The following PRIMA1 variants were observed in gnomAD, a reference collection of about 807,000 sequenced individuals.
PRIMA1 encodes the protein proline-rich membrane anchor 1.
In PRIMA1, 7 loss-of-function variants were observed where a neutral mutation model predicts 17.5. That is an observed-to-expected ratio of 0.40 (90% confidence interval 0.23 to 0.75). The LOEUF (loss-of-function observed/expected upper bound fraction) is 0.75, where lower values mean the gene tolerates loss of function less well. Ranked by LOEUF, PRIMA1 falls within the 30% of genes least tolerant of loss-of-function variation. The probability of loss-of-function intolerance (pLI) is 0.37; values close to 1 mark genes in which losing one functional copy is unlikely to be tolerated. For synonymous variants in PRIMA1, 97 were observed against 77.9 expected, an observed-to-expected ratio of 1.25 and a Z score of -1.29; for missense variants, 200 against 201.8, an observed-to-expected ratio of 0.99 and a Z score of 0.05.
intron 3 of PRIMA1, among the ~76,000 whole-genome samples, chr14:93,749,670 T>A (rs1322563972): frequency 6.6e-6 from 1 of 152,190 alleles, no homozygotes; most frequent in African/African-American, 2.4e-5. Context: ...CTCCCAATGG[T>A]ATATATTAAA....
chr14:93,727,573 C>T (rs974399539), intron 4 of PRIMA1, among the ~76,000 whole-genome samples: 3 of 151,984 alleles, frequency 2.0e-5, no homozygotes, highest in Non-Finnish European at 2.9e-5. Flanking sequence ...TCTGGGCACC[C>T]GCCTCCCTGA....
chr14:93,730,112 C>T (rs2076104404), intron 4 of PRIMA1, among the ~76,000 whole-genome samples: 1 of 152,218 alleles, frequency 6.6e-6, no homozygotes, highest in Non-Finnish European at 1.5e-5. Flanking sequence ...TGGGAACAAG[C>T]CTCCATTCAC....
chr14:93,762,756 C>T (rs1255884734), intron 3 of PRIMA1, among the ~76,000 whole-genome samples: 1 of 152,168 alleles, frequency 6.6e-6, no homozygotes, highest in African/African-American at 2.4e-5. Flanking sequence ...CCCCACTTCA[C>T]ACCAAGTCAA....
intron 3 of PRIMA1, among the ~76,000 whole-genome samples, chr14:93,771,439 G>A (rs1165369118): frequency 1.3e-5 from 2 of 152,192 alleles, no homozygotes; most frequent in African/African-American, 4.8e-5. Context: ...CACATGGAGT[G>A]TTAGAGTGAA....
At chr14:93,785,079 T>C (rs1009673591) in intron 2 of PRIMA1, among the ~76,000 whole-genome samples, 10 of 150,924 alleles carry the variant, frequency 6.6e-5, no homozygotes, top group African/African-American at 2.4e-4. Context: ...GCCACAAAGA[T>C]GATGGCTTCT....
rs1392995143 is a variant in PRIMA1, at chr14:93,787,722, G to A, written c.-4C>T. On this transcript the variant is annotated 5_prime_UTR_variant, in exon 2 of 5. Coordinates refer to ENST00000393140, the MANE Select transcript of PRIMA1 (RefSeq NM_178013.4). ...GCACCAAGTCCCGGAGGAGCATCTC[G>A]GCCAGCGGCGCCCGCTCCTGGGGCG... The A allele has an allele frequency of 6.5e-7, 1 of 1,542,682 alleles. No homozygotes were observed. The highest frequency in any genetic ancestry group is 8.7e-7 in the Non-Finnish European group (1 of 1,146,444).
intron 4 of PRIMA1, among the ~76,000 whole-genome samples, chr14:93,724,005 C>T (rs952310600): frequency 1.3e-5 from 2 of 152,170 alleles, no homozygotes; most frequent in Non-Finnish European, 2.9e-5. Flanking sequence ...CAGCTTTAGC[C>T]TCCTGAGTAG....
intron 4 of PRIMA1, among the ~76,000 whole-genome samples, chr14:93,724,368 G>A (rs1477388198): frequency 6.6e-6 from 1 of 152,192 alleles, no homozygotes; most frequent in Non-Finnish European, 1.5e-5. Flanking sequence ...GGAAACTCTG[G>A]GTTTACAGGC....
At chr14:93,769,460 G>A (rs80207622) in intron 3 of PRIMA1, among the ~76,000 whole-genome samples, 5,810 of 152,264 alleles carry the variant, frequency 0.038, 198 homozygotes, top group Non-Finnish European at 0.057. Context: ...CCCCGAGGCC[G>A]GAATCAATGG....
At chr14:93,775,907 G>C (rs1170525976) in intron 3 of PRIMA1, among the ~76,000 whole-genome samples, 1 of 152,172 alleles carries the variant, frequency 6.6e-6, no homozygotes, top group East Asian at 1.9e-4. Flanking sequence ...CACATGGCCC[G>C]GGCCTGACCA....
intron 3 of PRIMA1, among the ~76,000 whole-genome samples, chr14:93,744,403 C>T (rs1011863814): frequency 6.6e-6 from 1 of 152,228 alleles, no homozygotes; most frequent in Non-Finnish European, 1.5e-5. Flanking sequence ...GGTGCCCTTG[C>T]GGAGGCCGGT....
At chr14:93,740,063 T>TAAA (rs10650087) in intron 3 of PRIMA1, among the ~76,000 whole-genome samples, 106 of 148,782 alleles carry the variant, frequency 7.1e-4, no homozygotes, top group Middle Eastern at 3.5e-3. Context: ...AGACTCCAGC[T>TAAA]AAAAAAAAAA....
chr14:93,779,113 G>C (rs1262058822), intron 3 of PRIMA1, 63 bp downstream of exon 3: 1 of 1,261,078 alleles, frequency 7.9e-7, no homozygotes. Flanking sequence ...CACACTCAGT[G>C]GATCTTCGTG....
At chr14:93,741,817 G>C (rs1277615673) in intron 3 of PRIMA1, among the ~76,000 whole-genome samples, 1 of 152,070 alleles carries the variant, frequency 6.6e-6, no homozygotes, top group African/African-American at 2.4e-5. Context: ...TGCCTCCTCT[G>C]TCACCCCCTC....
chr14:93,786,291 A>G (rs528118818), intron 2 of PRIMA1, among the ~76,000 whole-genome samples: 3 of 152,362 alleles, frequency 2.0e-5, no homozygotes, highest in South Asian at 2.1e-4. Context: ...TGTTTCACAC[A>G]TTAGACAAAG....
chr14:93,770,997 A>T (rs1047897215), intron 3 of PRIMA1, among the ~76,000 whole-genome samples: 3 of 152,222 alleles, frequency 2.0e-5, no homozygotes, highest in African/African-American at 7.2e-5. Context: ...CATTAATTAC[A>T]TATTTAAAAG....
intron 3 of PRIMA1, among the ~76,000 whole-genome samples, chr14:93,763,424 C>T (rs1884793863): frequency 6.6e-6 from 1 of 152,188 alleles, no homozygotes; most frequent in Non-Finnish European, 1.5e-5. Context: ...GAGCTCATCT[C>T]TCCCCACCTT....
At chr14:93,766,685 T>G (rs1252776924) in intron 3 of PRIMA1, among the ~76,000 whole-genome samples, 1 of 152,158 alleles carries the variant, frequency 6.6e-6, no homozygotes, top group Non-Finnish European at 1.5e-5. Context: ...CAGACGCTCC[T>G]CAGCCCTGAA....
chr14:93,723,465 C>T (rs1023216097), intron 4 of PRIMA1, among the ~76,000 whole-genome samples: 3 of 152,104 alleles, frequency 2.0e-5, no homozygotes, highest in African/African-American at 7.2e-5. Flanking sequence ...ATTAGCAGTT[C>T]ATGGGAAGAA....
Sources: gnomAD v4.1 joint callset for allele counts (sites outside exome capture counted in the v4.1 genomes callset) on GRCh38, gnomAD v4.1.1 for gene constraint, MANE v1.5 for transcripts, NCBI Gene and HGNC (gene_info 2026-07-23, HGNC 2026-07-21) for gene names.